PDE4D: variants seen among roughly 807,000 people sequenced by gnomAD.
PDE4D encodes phosphodiesterase 4D, also known as 3',5'-cyclic-AMP phosphodiesterase 4D.
In PDE4D, 24 loss-of-function variants were observed where a neutral mutation model predicts 87.4. The ratio of observed to expected loss-of-function variants is 0.27; its 90% CI spans 0.20 to 0.39. The LOEUF (loss-of-function observed/expected upper bound fraction) is 0.39, where lower values mean the gene tolerates loss of function less well. PDE4D is among the 10% of genes least tolerant of loss of function. The pLI is 1.00. For missense variants in PDE4D, 714 were observed against 1,041.0 expected (o/e 0.69, Z 4.32); for synonymous variants, 384 against 383.2 (o/e 1.00, Z -0.02).
At chr5:59,450,237 A>T (rs1351255466) in intron 1 of PDE4D, among the ~76,000 whole-genome samples, 1 of 152,250 alleles carries the variant, frequency 6.6e-6, no homozygotes, top group Non-Finnish European at 1.5e-5. Context: ...AGCAAATAAT[A>T]TATTGGCTAA....
chr5:59,949,927 G>A lies in PDE4D; in HGVS notation c.272+38561C>T, dbSNP rs115160109. ...ATGAAACAAAGCAAATCCACTTTAT[G>A]ATTATAACACAAAAGTTATGTGTTT... is the stretch of plus-strand genomic sequence containing the variant. On this transcript the variant is annotated intron_variant, in intron 3 of 16. Coordinates refer to the PDE4D transcript ENST00000502484. Among the ~76,000 whole-genome samples, 591 of 152,178 alleles carry A rather than the reference G, an allele frequency of 3.9e-3. 6 individuals are homozygous for A. The highest frequency in any genetic ancestry group is 0.013 in the African/African-American group (559 of 41,542).
chr5:60,275,441 T>C (rs1256907366), intron 1 of PDE4D, among the ~76,000 whole-genome samples: 1 of 152,108 alleles, frequency 6.6e-6, no homozygotes, highest in African/African-American at 2.4e-5. Context: ...TTTCCAGAGA[T>C]ATGTTTGGTT....
chr5:59,129,018 A>G (rs1775907341), intron 5 of PDE4D, among the ~76,000 whole-genome samples: 1 of 152,208 alleles, frequency 6.6e-6, no homozygotes, highest in Non-Finnish European at 1.5e-5. Flanking sequence ...CTACTACAAC[A>G]CATAGCTCCT....
At chr5:60,042,915 G>C (rs1406885919) in intron 2 of PDE4D, among the ~76,000 whole-genome samples, 5 of 152,082 alleles carry the variant, frequency 3.3e-5, no homozygotes, top group African/African-American at 1.2e-4. Flanking sequence ...CTCCTCACCA[G>C]CAAGGGAACA....
chr5:60,302,733 C>A (rs1754025282), intron 1 of PDE4D, among the ~76,000 whole-genome samples: 1 of 152,078 alleles, frequency 6.6e-6, no homozygotes, highest in African/African-American at 2.4e-5. Context: ...GCTCTTGATT[C>A]TCTAGTTCCT....
At chr5:59,034,664 A>T (rs1045208838) in intron 6 of PDE4D, among the ~76,000 whole-genome samples, 24 of 152,248 alleles carry the variant, frequency 1.6e-4, no homozygotes, top group African/African-American at 5.8e-4. Context: ...GAAACATGCT[A>T]GAGAGGTTTG....
At chr5:59,848,517 T>G (rs1744203255) in intron 1 of PDE4D, among the ~76,000 whole-genome samples, 1 of 152,022 alleles carries the variant, frequency 6.6e-6, no homozygotes, top group Admixed American at 6.6e-5. Context: ...AAAATTTTAA[T>G]GACATAGCAA....
intron 5 of PDE4D, among the ~76,000 whole-genome samples, chr5:59,066,087 C>A (rs1319516716): frequency 1.3e-5 from 2 of 152,084 alleles, no homozygotes; most frequent in African/African-American, 4.8e-5. Context: ...AAAAGAAAAC[C>A]TATCAATTCA....
At chr5:59,889,914 A>C (rs1006721502) in intron 1 of PDE4D, among the ~76,000 whole-genome samples, 1 of 152,308 alleles carries the variant, frequency 6.6e-6, no homozygotes, top group Admixed American at 6.5e-5. Context: ...ACTTTATATA[A>C]AAAATTTATT....
rs1163987561 is a variant in PDE4D, at chr5:59,400,046, C to T, written c.456-184078G>A. Among the ~76,000 whole-genome samples, 6 of 116,566 alleles carry T rather than the reference C, an allele frequency of 5.1e-5. 2 individuals carry two copies. Among genetic ancestry groups the T allele is most frequent in the African/African-American group, 2.1e-4 (6 of 28,228 alleles). The allele number at this position is 116,566 out of a possible 152,430, so 76.5% of individuals were successfully genotyped here. A position where few individuals can be genotyped will look rare whatever the true frequency, so the allele number is the denominator to read the frequency against. ...AACCACAATGAGATACCATCTCACA[C>T]CAGGTAGAATGGCAATCATTCAAAA... On this transcript the variant is annotated intron_variant, in intron 1 of 14. Transcript: ENST00000340635.
intron 1 of PDE4D, among the ~76,000 whole-genome samples, chr5:60,269,083 C>A (rs1254287584): frequency 6.6e-6 from 1 of 152,172 alleles, no homozygotes; most frequent in African/African-American, 2.4e-5. Flanking sequence ...GCGGGCGGAT[C>A]ACCTGAAGTC....
rs149692302 is a variant in PDE4D at position 59,938,074 on chromosome 5, C to A, written c.272+50414G>T. Reference sequence around the variant, plus strand: ...TGTAACAGCATGACTTTTCCTTTTCCAAAACCAGTACAACTAACAAATGTA... The same window carrying A: ...TGTAACAGCATGACTTTTCCTTTTCAAAAACCAGTACAACTAACAAATGTA... On this transcript the variant is annotated intron_variant, in intron 3 of 16. Transcript: ENST00000502484. Among the ~76,000 whole-genome samples, 7 of 152,276 alleles carry A rather than the reference C, an allele frequency of 4.6e-5. No individual in the cohort carries two copies. The East Asian group carries it at 1.4e-3, about 29-fold the overall frequency.
chr5:59,307,959 T>G (rs961459396), intron 1 of PDE4D, among the ~76,000 whole-genome samples: 1 of 151,964 alleles, frequency 6.6e-6, no homozygotes, highest in African/African-American at 2.4e-5. Context: ...TTGGAACCAA[T>G]CCAAATGTCC....
At chr5:59,091,105 C>T (rs1232951988) in intron 5 of PDE4D, 3 of 453,074 alleles carry the variant, frequency 6.6e-6, no homozygotes, top group Non-Finnish European at 1.3e-5. Flanking sequence ...CAGAGAAATG[C>T]AATGATCCCA....
intron 2 of PDE4D, among the ~76,000 whole-genome samples, chr5:60,032,039 G>C (rs547673113): frequency 2.6e-5 from 4 of 152,218 alleles, no homozygotes; most frequent in African/African-American, 9.6e-5. Context: ...TTTTTAATTA[G>C]TAAAGCTTCT....
At chr5:60,053,323 G>T (rs1770406391) in intron 2 of PDE4D, among the ~76,000 whole-genome samples, 2 of 152,150 alleles carry the variant, frequency 1.3e-5, no homozygotes, top group South Asian at 4.1e-4. Context: ...AAACAGCATG[G>T]TACTGGTACC....
At chr5:59,173,660 A>G (rs946009771) in intron 5 of PDE4D, among the ~76,000 whole-genome samples, 1 of 152,236 alleles carries the variant, frequency 6.6e-6, no homozygotes, top group Non-Finnish European at 1.5e-5. Context: ...TAATGAACAC[A>G]TATTTCTGGC....
chr5:59,923,152 GTCTTTGTCTTATAGC>G (rs2152780075), intron 3 of PDE4D, among the ~76,000 whole-genome samples: 1 of 152,278 alleles, frequency 6.6e-6, no homozygotes, highest in East Asian at 1.9e-4. Context: ...GAACGGGGAG[GTCTTTGTCTTATAGC>G]TTTGGTGCCA....
At chr5:59,227,197 A>G (rs913662462) in intron 1 of PDE4D, among the ~76,000 whole-genome samples, 11 of 152,190 alleles carry the variant, frequency 7.2e-5, no homozygotes, top group Non-Finnish European at 1.5e-4. Flanking sequence ...TCATCAAGCT[A>G]AAGTCCAAAG....
Sources: allele counts gnomAD v4.1 joint callset (sites outside exome capture counted in the v4.1 genomes callset), GRCh38; gene constraint gnomAD v4.1.1; transcripts MANE v1.5; gene names NCBI Gene and HGNC (gene_info 2026-07-23, HGNC 2026-07-21).